LRRC37A: variants seen among roughly 807,000 people sequenced by gnomAD.
The protein encoded by LRRC37A is leucine-rich repeat-containing protein 37A.
In LRRC37A, 3 loss-of-function variants were observed where a neutral mutation model predicts 35.4. The ratio of observed to expected loss-of-function variants is 0.08; its 90% CI spans 0.04 to 0.22. The LOEUF is 0.22. Among genes scored for constraint, LRRC37A ranks in the 10% least tolerant of loss-of-function variants. LRRC37A has a pLI of 1.00. For missense variants in LRRC37A, 67 were observed against 565.3 expected, an observed-to-expected ratio of 0.12 and a Z score of 8.94; for synonymous variants, 23 against 215.0, an observed-to-expected ratio of 0.11 and a Z score of 7.81.
the LRRC37A span, chr17:46,260,479 T>C: frequency 1.1e-5 from 17 of 1,590,760 alleles, no homozygotes; most frequent in Non-Finnish European, 1.4e-5. Flanking sequence ...CCACCCAGCC[T>C]GGGGGTGGCC....
the LRRC37A span, among the ~76,000 whole-genome samples, chr17:46,274,031 G>T: frequency 6.6e-6 from 1 of 152,216 alleles, no homozygotes; most frequent in Non-Finnish European, 1.5e-5. Flanking sequence ...CTTCTCTGAC[G>T]TGATGACAAT....
At chr17:46,277,069 T>G in the LRRC37A span, among the ~76,000 whole-genome samples, 1 of 152,240 alleles carries the variant, frequency 6.6e-6, no homozygotes, top group Non-Finnish European at 1.5e-5. Context: ...CTTCTCAAAG[T>G]GTTGAGATCA....
the LRRC37A span, among the ~76,000 whole-genome samples, chr17:46,273,316 T>C: frequency 6.6e-6 from 1 of 152,270 alleles, no homozygotes; most frequent in Non-Finnish European, 1.5e-5. Context: ...CTTAATATTT[T>C]AAGCAAAAAT....
the LRRC37A span, among the ~76,000 whole-genome samples, chr17:46,265,439 C>T: frequency 2.0e-5 from 3 of 148,698 alleles, no homozygotes; most frequent in African/African-American, 7.5e-5. Context: ...CTTCCTCTTC[C>T]TCTCCTCCTC....
At chr17:46,263,113 G>A in the LRRC37A span, among the ~76,000 whole-genome samples, 8 of 152,058 alleles carry the variant, frequency 5.3e-5, no homozygotes, top group African/African-American at 1.2e-4. Flanking sequence ...CTCTGGAGGC[G>A]AAGGAGGGAG....
At chr17:46,260,398 T>TA in the LRRC37A span, 1,507,017 of 1,525,790 alleles carry the variant, frequency 0.99, 744,989 homozygotes, top group Non-Finnish European at 1. Flanking sequence ...AACAGCAGGA[T>TA]AGCTGGTGCT....
the LRRC37A span, among the ~76,000 whole-genome samples, chr17:46,282,411 T>C: frequency 8.1e-6 from 1 of 123,608 alleles, no homozygotes; most frequent in East Asian, 2.1e-4. Flanking sequence ...CCTCAGTTTT[T>C]TGTTTGTTTT....
the LRRC37A span, among the ~76,000 whole-genome samples, chr17:46,254,644 C>T: frequency 2.6e-5 from 4 of 151,408 alleles, no homozygotes; most frequent in Admixed American, 1.3e-4. Context: ...TGGGTTGAAG[C>T]GATTCTCCTG....
the LRRC37A span, among the ~76,000 whole-genome samples, chr17:46,273,277 C>T: frequency 2.6e-5 from 4 of 152,148 alleles, no homozygotes; most frequent in Non-Finnish European, 4.4e-5. Context: ...AGTAAAAGGA[C>T]AAAATAATCC....
chr17:46,266,495 G>A, the LRRC37A span, among the ~76,000 whole-genome samples: 1 of 152,216 alleles, frequency 6.6e-6, no homozygotes, highest in Non-Finnish European at 1.5e-5. Flanking sequence ...CTCAGCGAGT[G>A]ATTCCCGTTT....
chr17:46,291,841 G>A (rs545471922), upstream of LRRC37A, among the ~76,000 whole-genome samples: 54 of 152,112 alleles, frequency 3.6e-4, no homozygotes, highest in African/African-American at 1.3e-3. Context: ...CGCGCCTGTA[G>A]TCCCAGATAC....
the LRRC37A span, among the ~76,000 whole-genome samples, chr17:46,249,348 C>T: frequency 9.9e-5 from 15 of 152,152 alleles, no homozygotes; most frequent in African/African-American, 3.1e-4. Context: ...GTCTCCTTTA[C>T]ACTTGCTGTC....
chr17:46,279,217 T>A, the LRRC37A span, among the ~76,000 whole-genome samples: 12 of 146,504 alleles, frequency 8.2e-5, no homozygotes, highest in Non-Finnish European at 1.5e-4. Context: ...AGAGTCTCGC[T>A]CTGTCGCCTA....
chr17:46,282,893 C>T, the LRRC37A span, among the ~76,000 whole-genome samples: 5 of 152,260 alleles, frequency 3.3e-5, no homozygotes, highest in Admixed American at 2.0e-4. Context: ...CCGAAGCGAG[C>T]GGATCACCTG....
chr17:46,308,029 T>A (rs1302106032), intron 5 of LRRC37A, among the ~76,000 whole-genome samples: 1 of 73,150 alleles, frequency 1.4e-5, no homozygotes, highest in African/African-American at 3.5e-5. Context: ...AATAATAATA[T>A]AATAATAATA....
chr17:46,302,458 T>C lies in LRRC37A; in HGVS notation c.2682-180T>C, dbSNP rs1170460090. 4.3e-5 allele frequency among the ~76,000 whole-genome samples: 3 copies of C among 70,406 alleles called. 1 individual carries two copies. The highest frequency in any genetic ancestry group is 1.3e-4 in the Non-Finnish European group (3 of 23,932). The allele number at this position is 70,406 out of a possible 152,430, so 46.2% of individuals were successfully genotyped here. On this transcript the variant is annotated intron_variant, in intron 2 of 13. Coordinates refer to ENST00000320254, the Ensembl canonical transcript of LRRC37A. ...GTGTGTGTGTGTGTGTTTGTGGTGGTGGTGGAGAGAGATGGACACAAAAAG... is the reference window on the plus strand; with the variant it reads ...GTGTGTGTGTGTGTGTTTGTGGTGGCGGTGGAGAGAGATGGACACAAAAAG...
intron 10 of LRRC37A, among the ~76,000 whole-genome samples, chr17:46,332,874 C>T (rs552142019): frequency 1.3e-5 from 2 of 150,466 alleles, no homozygotes; most frequent in South Asian, 4.2e-4. Flanking sequence ...TGAATTGAAA[C>T]CAAGTGAATC....
At chr17:46,290,070 G>A (rs1567857366), upstream of LRRC37A, among the ~76,000 whole-genome samples, 1 of 152,266 alleles carries the variant, frequency 6.6e-6, no homozygotes. Context: ...AGTGAGCTGT[G>A]ATGGCACCAC....
chr17:46,259,947 C>T, the LRRC37A span: 290 of 1,577,362 alleles, frequency 1.8e-4, no homozygotes, highest in African/African-American at 3.6e-3. Context: ...GAAGTCGCTG[C>T]TTCAGTTCTG....
Sources: gnomAD v4.1 joint callset for allele counts (sites outside exome capture counted in the v4.1 genomes callset) on GRCh38, gnomAD v4.1.1 for gene constraint, MANE v1.5 for transcripts, NCBI Gene and HGNC (gene_info 2026-07-23, HGNC 2026-07-21) for gene names.